Variants in DYSF observed in about 807,000 individuals in gnomAD.
The protein encoded by DYSF is dystrophy-associated fer-1-like 1.
A neutral mutation model predicts 274.9 loss-of-function variants in DYSF; 212 were observed. That is an observed-to-expected ratio of 0.77 (90% CI 0.69 to 0.86). The LOEUF is 0.86. Ranked by LOEUF, DYSF falls within the 40% of genes least tolerant of loss-of-function variation. DYSF has a pLI of 0.00. For missense variants in DYSF, 2,666 were observed against 2,783.2 expected (o/e 0.96, Z 0.95); for synonymous variants, 1,091 against 1,078.7 (o/e 1.01, Z -0.22).
intron 30 of DYSF, among the ~76,000 whole-genome samples, chr2:71,583,761 G>A (rs17007074): frequency 0.071 from 10,788 of 152,240 alleles, 511 homozygotes; most frequent in African/African-American, 0.13. Context: ...ATTTAGGTGG[G>A]TTGAGGAGTC....
At chr2:71,662,829 T>C (rs1235224606) in intron 45 of DYSF, among the ~76,000 whole-genome samples, 1 of 143,454 alleles carries the variant, frequency 7.0e-6, no homozygotes, top group African/African-American at 2.5e-5. Context: ...TATATGTGCA[T>C]TTGTGTATAT....
At chr2:71,509,690 T>C (rs1466757720) in intron 4 of DYSF, among the ~76,000 whole-genome samples, 1 of 152,242 alleles carries the variant, frequency 6.6e-6, no homozygotes, top group East Asian at 1.9e-4. Context: ...TTCATGTTTC[T>C]ATTGTCTCAG....
At chr2:71,680,371 T>C (rs1367145051) in intron 53 of DYSF, among the ~76,000 whole-genome samples, 1 of 152,214 alleles carries the variant, frequency 6.6e-6, no homozygotes. Flanking sequence ...GGAGCACTAA[T>C]GGTTTTACTG....
intron 36 of DYSF, among the ~76,000 whole-genome samples, chr2:71,609,643 C>T (rs34464653): frequency 0.11 from 16,923 of 152,100 alleles, 1,500 homozygotes; most frequent in African/African-American, 0.25. Flanking sequence ...CTGTCCAAGG[C>T]CTAATGGCGA....
chr2:71,551,259 C>T lies in DYSF; in HGVS notation c.1692+103C>T, dbSNP rs965726924. The T allele has an allele frequency of 6.2e-5, 76 of 1,218,168 alleles. No homozygotes were observed. In the Admixed American group the frequency reaches 1.1e-3, roughly 18 times the overall value. 75.5% of individuals were successfully genotyped at this position (1,218,168 alleles called of 1,614,324 possible). A position where few individuals can be genotyped will look rare whatever the true frequency, so the allele number is the denominator to read the frequency against. On this transcript the variant is annotated intron_variant, in intron 18 of 55. Transcript: ENST00000410020. ...TCTTCCAGCCCCTCCTGGGGGCCCACGACCTGGCAGCCAACCCCTCAGGGA... is the reference window on the plus strand; with the variant it reads ...TCTTCCAGCCCCTCCTGGGGGCCCATGACCTGGCAGCCAACCCCTCAGGGA...
rs1165298276 is a variant in DYSF at position 71,571,104 on chromosome 2, C to T, written c.3228+363C>T. Among the ~76,000 whole-genome samples, 3 of 142,436 alleles carry T rather than the reference C, an allele frequency of 2.1e-5. No individual in the cohort carries two copies. In the East Asian group the frequency reaches 6.0e-4, roughly 28 times the overall value. 93.4% of individuals were successfully genotyped at this position (142,436 alleles called of 152,430 possible). On this transcript the variant is annotated intron_variant, in intron 29 of 55. Coordinates refer to ENST00000410020, the MANE Select transcript of DYSF (RefSeq NM_001130987.2). ...ACACCCAGCACACACACAGATCACA[C>T]CCAGCACACAGATCACACCCACAGA...
At chr2:71,657,576 G>A (rs2094797286) in intron 43 of DYSF, among the ~76,000 whole-genome samples, 1 of 152,228 alleles carries the variant, frequency 6.6e-6, no homozygotes, top group African/African-American at 2.4e-5. Flanking sequence ...TTTTGCCTGG[G>A]CATCCAGGTG....
chr2:71,530,728 C>T (rs1261166149), intron 14 of DYSF, among the ~76,000 whole-genome samples: 2 of 152,194 alleles, frequency 1.3e-5, no homozygotes, highest in African/African-American at 4.8e-5. Flanking sequence ...CCTCTCTGCC[C>T]TAAGCCACCT....
At chr2:71,551,274 CCCCT>C in intron 18 of DYSF, 118 bp downstream of exon 18, 3 of 1,004,610 alleles carry the variant, frequency 3.0e-6, no homozygotes, top group Non-Finnish European at 4.7e-6. Flanking sequence ...TGGCAGCCAA[CCCCT>C]CAGGGAGTTC....
chr2:71,492,576 A>G (rs993102400), intron 3 of DYSF, among the ~76,000 whole-genome samples: 1 of 152,202 alleles, frequency 6.6e-6, no homozygotes, highest in African/African-American at 2.4e-5. Flanking sequence ...ATTCAAATTT[A>G]AAGTTGTAAA....
Position 71,511,790 on chromosome 2 carries a change from C to A in DYSF, c.346-17C>A. On this transcript the variant is annotated splice_polypyrimidine_tract_variant and intron_variant, in intron 4 of 55. Transcript: ENST00000410020. ...GGCCAGCGCACCAACCTGTCCCCCA[C>A]GTCTCATCTCTTCCAGGCCTCGCTG... 6.7e-7 allele frequency: 1 copy of A among 1,496,538 alleles called. No homozygotes were observed. The highest frequency in any genetic ancestry group is 9.1e-7 in the Non-Finnish European group (1 of 1,097,264). 92.7% of individuals were successfully genotyped at this position (1,496,538 alleles called of 1,614,324 possible).
At chr2:71,634,724 C>CG (rs2094369687) in intron 41 of DYSF, among the ~76,000 whole-genome samples, 1 of 152,162 alleles carries the variant, frequency 6.6e-6, no homozygotes, top group Non-Finnish European at 1.5e-5. Context: ...TATCTTCCTC[C>CG]TTAACCCTGG....
At chr2:71,583,213 C>A (rs551398887) in intron 30 of DYSF, among the ~76,000 whole-genome samples, 3 of 152,166 alleles carry the variant, frequency 2.0e-5, no homozygotes, top group Non-Finnish European at 1.5e-5. Context: ...AATCTGCTCT[C>A]GTGAACCACA....
chr2:71,534,321 C>G (rs1375110243), intron 14 of DYSF, among the ~76,000 whole-genome samples: 1 of 152,210 alleles, frequency 6.6e-6, no homozygotes, highest in Non-Finnish European at 1.5e-5. Context: ...TTACCTGCTG[C>G]CCCCGTGTGT....
At chr2:71,621,068 G>A (rs1238325479) in intron 41 of DYSF, among the ~76,000 whole-genome samples, 1 of 152,052 alleles carries the variant, frequency 6.6e-6, no homozygotes, top group African/African-American at 2.4e-5. Context: ...GGTCTGCTGG[G>A]GCCAACAGTC....
At chr2:71,482,870 C>A (rs1359444130) in intron 3 of DYSF, among the ~76,000 whole-genome samples, 1 of 152,114 alleles carries the variant, frequency 6.6e-6, no homozygotes, top group African/African-American at 2.4e-5. Context: ...GCCCAAGCAT[C>A]AGGGATGGGC....
chr2:71,611,405 C>T, intron 37 of DYSF, 59 bp downstream of exon 37: 2 of 1,613,970 alleles, frequency 1.2e-6, no homozygotes, highest in South Asian at 1.1e-5. Context: ...CCCTTCCTGG[C>T]CCCAGCCTTT....
At chr2:71,571,422 C>T (rs1338638240) in intron 29 of DYSF, among the ~76,000 whole-genome samples, 2 of 141,792 alleles carry the variant, frequency 1.4e-5, no homozygotes, top group Non-Finnish European at 3.1e-5. Flanking sequence ...ACACAGATCA[C>T]AGTCAGCACA....
rs193101799 is a variant in DYSF at position 71,539,083 on chromosome 2, C to T, written c.1494-74C>T. The T allele has an allele frequency of 5.9e-5, 80 of 1,363,400 alleles. No homozygotes were observed. In the East Asian group the frequency reaches 1.1e-3, roughly 19 times the overall value. 84.5% of individuals were successfully genotyped at this position (1,363,400 alleles called of 1,614,324 possible). A position where few individuals can be genotyped will look rare whatever the true frequency, so the allele number is the denominator to read the frequency against. ...CCCCCCTGTGATGTGTAACCGAGGC[C>T]GCATACTTCCTGGGTGGGCTGTGGC... On this transcript the variant is annotated intron_variant, in intron 16 of 55. Coordinates refer to ENST00000410020, the MANE Select transcript of DYSF (RefSeq NM_001130987.2).
Sources: allele counts gnomAD v4.1 joint callset (sites outside exome capture counted in the v4.1 genomes callset), GRCh38; gene constraint gnomAD v4.1.1; transcripts MANE v1.5; gene names NCBI Gene and HGNC (gene_info 2026-07-23, HGNC 2026-07-21).